POLN: variants seen among roughly 807,000 people sequenced by gnomAD.
POLN encodes the protein DNA polymerase N.
In POLN, 108 loss-of-function variants were observed where a neutral mutation model predicts 113.5. The observed-to-expected ratio is 0.95, with a 90% confidence interval of 0.81 to 1.12. POLN has a LOEUF of 1.12. POLN is among the 50% of genes most tolerant of loss of function. The pLI, the probability that POLN is intolerant of heterozygous loss-of-function variation, is 0.00. For missense variants in POLN, 1,097 were observed against 1,077.1 expected (o/e 1.02, Z -0.26); for synonymous variants, 386 against 391.5 (o/e 0.99, Z 0.17).
intron 20 of POLN, among the ~76,000 whole-genome samples, chr4:2,094,893 CCTTT>C (rs1730748423): frequency 6.6e-6 from 1 of 152,154 alleles, no homozygotes. Flanking sequence ...GGTTTTGCTG[CCTTT>C]CTGTGAATAA....
rs760472859 is a variant in POLN at position 2,240,018 on chromosome 4, A to G, written c.-13+1502T>C. 3.8e-6 allele frequency: 6 copies of G among 1,582,782 alleles called. No individual in the cohort carries two copies. In the African/African-American group the frequency reaches 5.4e-5, roughly 14 times the overall value. ...TAACAATAATTACAATGTGAATCCA[A>G]TCTCATTTCTTATGCTTACCTTGCT... On this transcript the variant is annotated intron_variant, in intron 2 of 25. Coordinates refer to ENST00000511885, the MANE Select transcript of POLN (RefSeq NM_181808.4).
intron 19 of POLN, among the ~76,000 whole-genome samples, chr4:2,111,311 T>A (rs1249747223): frequency 4.0e-5 from 6 of 151,738 alleles, no homozygotes; most frequent in African/African-American, 1.2e-4. Flanking sequence ...CTGGAAGCAT[T>A]CCCTTTGAAA....
At position 2,223,470 on chromosome 4, in the gene POLN, G is replaced by C. The variant is rs200925395; in HGVS notation, c.133+5629C>G. The stretch of plus-strand genomic sequence containing the variant: ...TCCTTATGAGAATCTACCGCCTGAC[G>C]ATCTTAGGTGGAACAGTTTCATCCC... On this transcript the variant is annotated intron_variant, in intron 3 of 25. Transcript: ENST00000511885. Among the ~76,000 whole-genome samples the C allele has an allele frequency of 1.2e-4, 19 of 152,282 alleles. No individual in the cohort carries two copies. In the East Asian group the frequency reaches 3.7e-3, roughly 29 times the overall value.
chr4:2,142,603 T>C (rs1341891667), intron 16 of POLN, among the ~76,000 whole-genome samples: 1 of 152,190 alleles, frequency 6.6e-6, no homozygotes, highest in East Asian at 1.9e-4. Context: ...CCCAGGTTTC[T>C]TTTTGCCTAA....
At chr4:2,081,557 GTGCCACCCAGCCC>G (rs1383835119) in intron 22 of POLN, 63 bp downstream of exon 22, 2 of 1,395,460 alleles carry the variant, frequency 1.4e-6, no homozygotes, top group African/African-American at 2.8e-5. Context: ...TGATCGGTGG[GTGCCACCCAGCCC>G]TGCGGCTGCT....
At chr4:2,220,639 C>G (rs1734231746) in intron 3 of POLN, among the ~76,000 whole-genome samples, 2 of 152,218 alleles carry the variant, frequency 1.3e-5, no homozygotes, top group South Asian at 4.1e-4. Context: ...TCTGCTCTTG[C>G]TGGATTCTTT....
At chr4:2,205,760 A>G (rs1733826254) in intron 5 of POLN, among the ~76,000 whole-genome samples, 1 of 151,976 alleles carries the variant, frequency 6.6e-6, no homozygotes, top group African/African-American at 2.4e-5. Flanking sequence ...CCCAAGTCCC[A>G]GCTACTTGGG....
intron 6 of POLN, among the ~76,000 whole-genome samples, chr4:2,196,565 G>A (rs1733580061): frequency 6.6e-6 from 1 of 151,558 alleles, no homozygotes; most frequent in African/African-American, 2.4e-5. Flanking sequence ...GGACATTTTT[G>A]AGACAATCAG....
At chr4:2,094,513 G>A (rs1461932958) in intron 20 of POLN, among the ~76,000 whole-genome samples, 1 of 152,150 alleles carries the variant, frequency 6.6e-6, no homozygotes, top group African/African-American at 2.4e-5. Flanking sequence ...GAGAAACTGT[G>A]AGATAGTGTG....
At chr4:2,178,102 A>G (rs1733038180) in intron 8 of POLN, among the ~76,000 whole-genome samples, 1 of 152,238 alleles carries the variant, frequency 6.6e-6, no homozygotes, top group African/African-American at 2.4e-5. Context: ...ATCACAGATG[A>G]TCTGTGAGGA....
chr4:2,229,448 A>G, intron 2 of POLN: 3 of 399,722 alleles, frequency 7.5e-6, no homozygotes, highest in South Asian at 5.1e-5. Context: ...CAGGTATCAT[A>G]GTAAATAGAT....
At chr4:2,162,885 T>A (rs1732633546) in intron 13 of POLN, among the ~76,000 whole-genome samples, 1 of 152,154 alleles carries the variant, frequency 6.6e-6, no homozygotes, top group Non-Finnish European at 1.5e-5. Flanking sequence ...TAATTCCTAG[T>A]AATTCCTATT....
chr4:2,216,406 C>G (rs181684185), intron 3 of POLN, among the ~76,000 whole-genome samples: 188 of 152,338 alleles, frequency 1.2e-3, no homozygotes, highest in Non-Finnish European at 2.3e-3. Flanking sequence ...CACTGCACCA[C>G]GTACTGGTTA....
chr4:2,100,633 C>T (rs1033473064), intron 19 of POLN, among the ~76,000 whole-genome samples: 15 of 152,012 alleles, frequency 9.9e-5, no homozygotes, highest in African/African-American at 3.6e-4. Flanking sequence ...TAAATTTCAT[C>T]TGAAAAACAA....
At chr4:2,075,653 G>T in intron 23 of POLN, 134 bp from the exon 24 acceptor site, 2 of 874,880 alleles carry the variant, frequency 2.3e-6, no homozygotes, top group East Asian at 2.5e-5. Flanking sequence ...ATGCAGAGGT[G>T]GGGGCCCATC....
chr4:2,175,838 C>G (rs1732981220), intron 9 of POLN, among the ~76,000 whole-genome samples: 1 of 152,160 alleles, frequency 6.6e-6, no homozygotes, highest in African/African-American at 2.4e-5. Flanking sequence ...GGAGCTTTCT[C>G]CTTCTGGCTG....
At chr4:2,198,491 T>C (rs766353263) in intron 6 of POLN, 33 bp downstream of exon 6, 9 of 1,549,480 alleles carry the variant, frequency 5.8e-6, no homozygotes, top group Middle Eastern at 1.8e-4. Flanking sequence ...GGCATGTAAG[T>C]AGGGTGTGAG....
In POLN at chr4:2,096,009, C is replaced by A. The variant is rs1199229137; in HGVS notation, c.1983-76G>T. 9.1e-6 allele frequency: 11 copies of A among 1,204,538 alleles called. No individual in the cohort carries two copies. The African/African-American group carries it at 1.3e-4, about 15-fold the overall frequency. 74.6% of individuals were successfully genotyped at this position (1,204,538 alleles called of 1,614,324 possible). On this transcript the variant is annotated intron_variant, in intron 19 of 25. Transcript: ENST00000511885. ...GCAGGGCAGACAGTCCAACCACACA[C>A]CCCACCACTGTGCTTCCTCTGGAAA...
At chr4:2,217,957 T>A (rs1190369563) in intron 3 of POLN, among the ~76,000 whole-genome samples, 1 of 152,252 alleles carries the variant, frequency 6.6e-6, no homozygotes, top group East Asian at 1.9e-4. Flanking sequence ...CGTTGCAGGA[T>A]GACTCGACCA....
Sources: gnomAD v4.1 joint callset for allele counts (sites outside exome capture counted in the v4.1 genomes callset) on GRCh38, gnomAD v4.1.1 for gene constraint, MANE v1.5 for transcripts, NCBI Gene and HGNC (gene_info 2026-07-23, HGNC 2026-07-21) for gene names.